INTS9: variants seen among roughly 807,000 people sequenced by gnomAD.
INTS9 encodes protein related to CPSF subunits of 74 kDa.
A neutral mutation model predicts 79.7 loss-of-function variants in INTS9; 55 were observed. The ratio of observed to expected loss-of-function variants is 0.69; its 90% CI spans 0.56 to 0.86. The LOEUF (loss-of-function observed/expected upper bound fraction) is 0.86. Among genes scored for constraint, INTS9 ranks in the 40% least tolerant of loss-of-function variants. The probability of loss-of-function intolerance (pLI) is 0.00; values close to 1 mark genes in which losing one functional copy is unlikely to be tolerated. For synonymous variants in INTS9, 319 were observed against 325.2 expected (o/e 0.98, Z 0.20); for missense variants, 721 against 831.5 (o/e 0.87, Z 1.64).
intron 1 of INTS9, among the ~76,000 whole-genome samples, chr8:28,868,562 T>C (rs1030397057): frequency 6.6e-6 from 1 of 152,238 alleles, no homozygotes; most frequent in African/African-American, 2.4e-5. Context: ...AATAGCTCAT[T>C]TGACATCAGC....
In INTS9 at chr8:28,833,457, TA is replaced by T. The variant is rs574560777; in HGVS notation, c.488+1834del. On this transcript the variant is annotated intron_variant, in intron 6 of 16. Coordinates refer to ENST00000521022, the MANE Select transcript of INTS9 (RefSeq NM_018250.4). ...CAACATGGTGAAACCCCATCTCTAC[TA>T]AAAATACAAAAATTAGCTGGGTGTG... Among the ~76,000 whole-genome samples, 616 of 151,762 alleles carry T rather than the reference TA, an allele frequency of 4.1e-3. 5 individuals are homozygous for T. The highest frequency in any genetic ancestry group is 0.014 in the African/African-American group (563 of 41,398).
chr8:28,837,900 C>A (rs893559413), intron 4 of INTS9, 124 bp from the exon 5 acceptor site: 6 of 888,016 alleles, frequency 6.8e-6, no homozygotes, highest in Non-Finnish European at 8.6e-6. Context: ...TGATGGCTTT[C>A]CTGCAACACT....
At chr8:28,842,902 G>C (rs941167237) in intron 4 of INTS9, among the ~76,000 whole-genome samples, 1 of 152,152 alleles carries the variant, frequency 6.6e-6, no homozygotes, top group Non-Finnish European at 1.5e-5. Flanking sequence ...CCTTTCCATA[G>C]AGTACTGTGT....
intron 1 of INTS9, among the ~76,000 whole-genome samples, chr8:28,880,085 A>G (rs1809619812): frequency 6.6e-6 from 1 of 152,202 alleles, no homozygotes; most frequent in African/African-American, 2.4e-5. Flanking sequence ...AACTATAATA[A>G]TATCATTTAC....
chr8:28,796,095 AG>A (rs1171002830), intron 9 of INTS9, among the ~76,000 whole-genome samples: 1 of 152,238 alleles, frequency 6.6e-6, no homozygotes, highest in Non-Finnish European at 1.5e-5. Context: ...GGATTGCCTG[AG>A]GTCAGGAGTT....
intron 8 of INTS9, among the ~76,000 whole-genome samples, chr8:28,799,238 G>A (rs1804385773): frequency 6.6e-6 from 1 of 152,204 alleles, no homozygotes; most frequent in Admixed American, 6.5e-5. Context: ...GGAGGTTGCA[G>A]TGAGCCAAGA....
chr8:28,791,810 T>A (rs1803935361), intron 10 of INTS9, among the ~76,000 whole-genome samples: 1 of 152,128 alleles, frequency 6.6e-6, no homozygotes, highest in Admixed American at 6.5e-5. Flanking sequence ...ACAAGAATAA[T>A]ATGATCACTG....
chr8:28,776,767 C>T (rs1343099580), intron 13 of INTS9, among the ~76,000 whole-genome samples: 1 of 152,158 alleles, frequency 6.6e-6, no homozygotes, highest in Non-Finnish European at 1.5e-5. Context: ...GATGGCTTCT[C>T]CCAGGTTTTC....
At position 28,826,787 on chromosome 8, in the gene INTS9, T is replaced by C. The variant is rs529550455; in HGVS notation, c.488+8505A>G. On this transcript the variant is annotated intron_variant, in intron 6 of 16. Transcript: ENST00000521022. ...GTCTTGCCATTTGGCATCTATTTTT[T>C]TGCTTGACAAGCTCCTTGAGTAGAG... Among the ~76,000 whole-genome samples, 210 of 152,346 alleles carry C rather than the reference T, an allele frequency of 1.4e-3. 1 individual carries two copies. The highest frequency in any genetic ancestry group is 5.0e-3 in the African/African-American group (207 of 41,578).
intron 11 of INTS9, among the ~76,000 whole-genome samples, chr8:28,786,997 G>A (rs912008228): frequency 2.0e-5 from 3 of 152,300 alleles, no homozygotes; most frequent in South Asian, 2.1e-4. Context: ...GATTACAGGC[G>A]TGAGCCACCG....
intron 1 of INTS9, among the ~76,000 whole-genome samples, chr8:28,880,285 T>G (rs1809644506): frequency 8.1e-6 from 1 of 122,964 alleles, no homozygotes; most frequent in African/African-American, 3.0e-5. Context: ...TCTCTCTCCC[T>G]CCACGGTCTC....
chr8:28,767,942 T>TGAA lies in INTS9; in HGVS notation c.*201_*203dup, dbSNP rs1802304391. ...GCCAGAGTTGAGAAGAAAATGAGCC[T>TGAA]GAAGTTGAAAGGGAAAGTTCTTGCC... On this transcript the variant is annotated 3_prime_UTR_variant, in exon 17 of 17. Transcript: ENST00000521022. 3 of 581,784 alleles carry TGAA rather than the reference T, an allele frequency of 5.2e-6. No individual in the cohort carries two copies. The highest frequency in any genetic ancestry group is 6.1e-6 in the Non-Finnish European group (2 of 327,128). The allele number at this position is 581,784 out of a possible 1,614,324, so 36.0% of individuals were successfully genotyped here.
At chr8:28,780,751 C>CTACCT in intron 12 of INTS9, 72 bp downstream of exon 12, 1 of 1,570,016 alleles carries the variant, frequency 6.4e-7, no homozygotes. Context: ...CCCTGGGTCT[C>CTACCT]TACCTTGTAG....
chr8:28,872,583 A>G (rs1176833832), intron 1 of INTS9, among the ~76,000 whole-genome samples: 2 of 151,988 alleles, frequency 1.3e-5, no homozygotes, highest in Admixed American at 6.6e-5. Flanking sequence ...CAACTTTCTC[A>G]AAGTGTCAAA....
intron 1 of INTS9, among the ~76,000 whole-genome samples, chr8:28,881,427 T>A (rs1346246739): frequency 3.4e-4 from 24 of 70,842 alleles, no homozygotes; most frequent in Non-Finnish European, 4.5e-4. Flanking sequence ...GGGAGGGAGG[T>A]GGGGGGGTCA....
At chr8:28,878,305 G>T (rs1809500547) in intron 1 of INTS9, among the ~76,000 whole-genome samples, 2 of 151,920 alleles carry the variant, frequency 1.3e-5, no homozygotes, top group Admixed American at 6.6e-5. Context: ...GAGTGGGAGG[G>T]AATCATTTAA....
intron 1 of INTS9, among the ~76,000 whole-genome samples, chr8:28,880,138 A>G (rs1458792420): frequency 6.6e-6 from 1 of 152,160 alleles, no homozygotes; most frequent in Non-Finnish European, 1.5e-5. Context: ...CACATGCTGG[A>G]AAAAAATAGA....
At chr8:28,815,074 G>A (rs1046415565) in intron 6 of INTS9, among the ~76,000 whole-genome samples, 1 of 152,138 alleles carries the variant, frequency 6.6e-6, no homozygotes, top group Admixed American at 6.5e-5. Context: ...GGGCAGAGGA[G>A]CAGGCAGGGA....
intron 4 of INTS9, among the ~76,000 whole-genome samples, chr8:28,841,064 C>T (rs1025893112): frequency 1.1e-4 from 16 of 151,804 alleles, no homozygotes; most frequent in African/African-American, 2.9e-4. Flanking sequence ...ACAAATAAAA[C>T]GAGTAACTTA....
Sources: gnomAD v4.1 joint callset for allele counts (sites outside exome capture counted in the v4.1 genomes callset) on GRCh38, gnomAD v4.1.1 for gene constraint, MANE v1.5 for transcripts, NCBI Gene and HGNC (gene_info 2026-07-23, HGNC 2026-07-21) for gene names.